The following SLC7A5 variants were observed in gnomAD, a reference collection of about 807,000 sequenced individuals.
SLC7A5 encodes large neutral amino acids transporter small subunit 1.
Under a neutral mutation model 50.2 loss-of-function variants are expected in SLC7A5, and 23 were observed. The ratio of observed to expected loss-of-function variants is 0.46; its 90% CI spans 0.33 to 0.65. The LOEUF (loss-of-function observed/expected upper bound fraction) is 0.65. Ranked by LOEUF, SLC7A5 falls within the 30% of genes least tolerant of loss-of-function variation. SLC7A5 has a pLI of 0.02. For synonymous variants in SLC7A5, 393 were observed against 330.6 expected (o/e 1.19, Z -2.05); for missense variants, 578 against 684.4 (o/e 0.84, Z 1.73).
At chr16:87,863,808 G>C (rs1329811598) in intron 1 of SLC7A5, among the ~76,000 whole-genome samples, 1 of 151,618 alleles carries the variant, frequency 6.6e-6, no homozygotes, top group African/African-American at 2.4e-5. Flanking sequence ...TGAGAACCTT[G>C]TTCTCAAATC....
At chr16:87,857,136 C>G (rs116637894) in intron 1 of SLC7A5, among the ~76,000 whole-genome samples, 3 of 152,212 alleles carry the variant, frequency 2.0e-5, no homozygotes, top group African/African-American at 7.2e-5. Flanking sequence ...CTCCCTGCCA[C>G]TGCTGGCCAG....
chr16:87,851,762 G>T lies in SLC7A5; in HGVS notation c.626C>A (p.Ala209Asp). 6.2e-7 allele frequency: 1 copy of T among 1,613,198 alleles called. No individual in the cohort carries two copies. Among genetic ancestry groups the T allele is most frequent in the Non-Finnish European group, 8.5e-7 (1 of 1,179,978 alleles). ...AFAAAKLLAL[A>D]LIILLGFVQI... ...GACGAAGCCCAGCAGGATGATCAGG[G>T]CCAGGGCCAGGAGCTTGGCGGCGGC... The change falls in exon 2 of 10, where the codon GCC becomes GAC. Residue 209 changes from alanine to aspartate, a missense_variant. Ala to Asp is a moderately radical substitution (Grantham distance 126). Transcript: ENST00000261622.
chr16:87,850,938 G>A (rs923661660), intron 2 of SLC7A5, among the ~76,000 whole-genome samples: 4 of 152,194 alleles, frequency 2.6e-5, no homozygotes, highest in African/African-American at 7.2e-5. Flanking sequence ...GTCAGTCCAC[G>A]TCAACAGAGA....
chr16:87,861,551 G>C lies in SLC7A5; in HGVS notation c.538+7334C>G, dbSNP rs150410650. 7.4e-4 allele frequency among the ~76,000 whole-genome samples: 112 copies of C among 152,292 alleles called. 1 individual carries two copies. Among genetic ancestry groups the C allele is most frequent in the South Asian group, 2.3e-3 (11 of 4,824 alleles). ...GGATTATCACTGGCTTCAAAGGCTGGAGTGCAAAGTGGTGGCCAAGAGGTG... is the reference window on the plus strand; with the variant it reads ...GGATTATCACTGGCTTCAAAGGCTGCAGTGCAAAGTGGTGGCCAAGAGGTG... On this transcript the variant is annotated intron_variant, in intron 1 of 9. Coordinates refer to ENST00000261622, the MANE Select transcript of SLC7A5 (RefSeq NM_003486.7). The surrounding 1 kb of genome is among the most constrained non-coding windows in gnomAD (Gnocchi z 4.2).
chr16:87,836,963 G>C (rs191447774), intron 7 of SLC7A5, among the ~76,000 whole-genome samples: 1 of 152,326 alleles, frequency 6.6e-6, no homozygotes, highest in East Asian at 1.9e-4. Context: ...ATACACAGCT[G>C]GGCTCTGCTG....
At chr16:87,847,093 G>C (rs2055163344) in intron 2 of SLC7A5, among the ~76,000 whole-genome samples, 1 of 152,204 alleles carries the variant, frequency 6.6e-6, no homozygotes, top group African/African-American at 2.4e-5. Context: ...GCTCTGCTGG[G>C]AGCGCCTAGA....
intron 1 of SLC7A5, among the ~76,000 whole-genome samples, chr16:87,866,885 C>A (rs2143839334): frequency 6.6e-6 from 1 of 152,186 alleles, no homozygotes; most frequent in East Asian, 1.9e-4. Flanking sequence ...AAGCATTTCC[C>A]ACGACTCACT....
chr16:87,867,871 T>A (rs930585139), intron 1 of SLC7A5, among the ~76,000 whole-genome samples: 1 of 151,946 alleles, frequency 6.6e-6, no homozygotes, highest in Non-Finnish European at 1.5e-5. Context: ...ATCCCAGCAC[T>A]TTGGGAGGCC....
In SLC7A5 at chr16:87,861,160, C is replaced by T. The variant is rs894312741; in HGVS notation, c.538+7725G>A. Among the ~76,000 whole-genome samples, 2 of 152,196 alleles carry T rather than the reference C, an allele frequency of 1.3e-5. No individual in the cohort carries two copies. The highest frequency in any genetic ancestry group is 2.9e-5 in the Non-Finnish European group (2 of 68,026). ...GGGCCAGGCAAGGCCTGCCCATGGC[C>T]AGCTATCCAGGTGATGCTCCAGGGA... On this transcript the variant is annotated intron_variant, in intron 1 of 9. Coordinates refer to ENST00000261622, the MANE Select transcript of SLC7A5 (RefSeq NM_003486.7). The surrounding 1 kb of genome is among the most constrained non-coding windows in gnomAD (Gnocchi z 4.2).
chr16:87,839,684 T>C lies in SLC7A5; in HGVS notation c.939+18A>G. 1 of 1,612,724 alleles carries C rather than the reference T, an allele frequency of 6.2e-7. No individual in the cohort carries two copies. The highest frequency in any genetic ancestry group is 8.5e-7 in the Non-Finnish European group (1 of 1,179,710). On this transcript the variant is annotated intron_variant, in intron 5 of 9. Coordinates refer to ENST00000261622, the MANE Select transcript of SLC7A5 (RefSeq NM_003486.7). ...AGCCTCTCAGGCCCCTGGTGGAAGC[T>C]GGCGGGTAGCGGCTCACCACGGCCA...
At chr16:87,849,179 G>A (rs2055189554) in intron 2 of SLC7A5, among the ~76,000 whole-genome samples, 2 of 152,238 alleles carry the variant, frequency 1.3e-5, no homozygotes, top group African/African-American at 4.8e-5. Context: ...GGGCGCTGCT[G>A]CCAGGTGCCA....
rs539996764 is a variant in SLC7A5 at position 87,836,744 on chromosome 16, C to A, written c.1141-97G>T. 415 of 1,301,982 alleles carry A rather than the reference C, an allele frequency of 3.2e-4. 2 individuals carry two copies. In the African/African-American group the frequency reaches 4.5e-3, roughly 14 times the overall value. 80.7% of individuals were successfully genotyped at this position (1,301,982 alleles called of 1,614,324 possible). On this transcript the variant is annotated intron_variant, in intron 7 of 9. Transcript: ENST00000261622. ...GGGGACTGTCCAGCCTGGCTGGGCC[C>A]AGCTGAGCACCAGGGAATTTTGTTT...
At chr16:87,863,110 G>C (rs1232831654) in intron 1 of SLC7A5, among the ~76,000 whole-genome samples, 2 of 152,244 alleles carry the variant, frequency 1.3e-5, no homozygotes, top group African/African-American at 2.4e-5. Context: ...GCATGGAGGA[G>C]CTGTCTGCAG....
intron 8 of SLC7A5, chr16:87,834,804 C>T (rs1392677429): frequency 1.5e-5 from 9 of 611,506 alleles, no homozygotes; most frequent in Admixed American, 2.6e-5. Context: ...GGGGCTCAGG[C>T]GGCTTATGAT....
In SLC7A5 at chr16:87,869,471, G is replaced by T. The variant is rs33996472; in HGVS notation, c.-49C>A. 5 of 1,242,152 alleles carry T rather than the reference G, an allele frequency of 4.0e-6. No homozygotes were observed. Among genetic ancestry groups the T allele is most frequent in the African/African-American group, 3.2e-5 (2 of 62,820 alleles). 76.9% of individuals were successfully genotyped at this position (1,242,152 alleles called of 1,614,324 possible). On this transcript the variant is annotated 5_prime_UTR_variant, in exon 1 of 10. Coordinates refer to ENST00000261622, the MANE Select transcript of SLC7A5 (RefSeq NM_003486.7). Reference sequence around the variant, plus strand: ...GGACACCCGGGAGCCGCGGCCCAGCGAGCAGTGTGCGCGCCGCCCGCCGCC... The same window carrying T: ...GGACACCCGGGAGCCGCGGCCCAGCTAGCAGTGTGCGCGCCGCCCGCCGCC...
chr16:87,863,330 C>G (rs1212906827), intron 1 of SLC7A5, among the ~76,000 whole-genome samples: 2 of 152,130 alleles, frequency 1.3e-5, no homozygotes, highest in African/African-American at 4.8e-5. Flanking sequence ...TGGACCGGGA[C>G]TTTGAGTGGA....
At chr16:87,840,819 C>T (rs568171137) in intron 3 of SLC7A5, among the ~76,000 whole-genome samples, 2 of 152,202 alleles carry the variant, frequency 1.3e-5, no homozygotes, top group Admixed American at 1.3e-4. Context: ...AAGACTGCGA[C>T]GTGGAGCTAG....
chr16:87,854,461 C>T (rs527645778), intron 1 of SLC7A5, among the ~76,000 whole-genome samples: 3 of 152,194 alleles, frequency 2.0e-5, no homozygotes, highest in Non-Finnish European at 2.9e-5. Context: ...CTTAAGGAGG[C>T]GAGGCAGTCA....
intron 8 of SLC7A5, 190 bp from the exon 9 acceptor site, chr16:87,834,781 G>A: frequency 1.6e-6 from 1 of 644,816 alleles, no homozygotes; most frequent in Non-Finnish European, 2.8e-6. Context: ...ATACAGTGCT[G>A]GGCATGTTGC....
Sources: allele counts gnomAD v4.1 joint callset (sites outside exome capture counted in the v4.1 genomes callset), GRCh38; gene constraint gnomAD v4.1.1; non-coding constraint Gnocchi (gnomAD v3.1); transcripts MANE v1.5; gene names NCBI Gene and HGNC (gene_info 2026-07-23, HGNC 2026-07-21).